Variants in CDKAL1 observed in about 807,000 individuals in gnomAD.
The protein encoded by CDKAL1 is threonylcarbamoyladenosine tRNA methylthiotransferase.
CDKAL1 carries 32 observed loss-of-function variants against 68.2 expected under a neutral mutation model. The ratio of observed to expected loss-of-function variants is 0.47; its 90% CI spans 0.35 to 0.63. CDKAL1 has a LOEUF of 0.63. CDKAL1 is among the 30% of genes least tolerant of loss of function. CDKAL1 has a pLI of 0.00. For synonymous variants in CDKAL1, 234 were observed against 244.3 expected, an observed-to-expected ratio of 0.96 and a Z score of 0.39; for missense variants, 606 against 696.7, an observed-to-expected ratio of 0.87 and a Z score of 1.47.
At chr6:20,729,177 G>C (rs930475124) in intron 5 of CDKAL1, among the ~76,000 whole-genome samples, 7 of 152,104 alleles carry the variant, frequency 4.6e-5, no homozygotes, top group African/African-American at 1.7e-4. Flanking sequence ...ACTCTTTGAG[G>C]TTACATAAAG....
rs1456936693 is a variant in CDKAL1, at chr6:21,132,478, C to G, written c.1299+24015C>G. ...AATTTTAAAAATCTCTTAAGCTCAG[C>G]CATTATACATAAGGTCTTATTTATG... On this transcript the variant is annotated intron_variant, in intron 13 of 15. Transcript: ENST00000274695. Among the ~76,000 whole-genome samples the G allele has an allele frequency of 4.0e-3, 611 of 152,110 alleles. 5 individuals are homozygous for G. The highest frequency in any genetic ancestry group is 0.014 in the African/African-American group (582 of 41,514).
intron 12 of CDKAL1, among the ~76,000 whole-genome samples, chr6:21,069,851 G>A (rs1277003060): frequency 6.9e-5 from 9 of 130,140 alleles, no homozygotes; most frequent in Admixed American, 3.8e-4. Flanking sequence ...CTGCAGTGGC[G>A]CCATCTCAGC....
intron 5 of CDKAL1, among the ~76,000 whole-genome samples, chr6:20,712,670 A>T (rs1771902394): frequency 6.6e-6 from 1 of 151,438 alleles, no homozygotes; most frequent in South Asian, 2.1e-4. Flanking sequence ...TTTGAGATGG[A>T]GTCTCACTCT....
chr6:21,231,034 A>C lies in CDKAL1; in HGVS notation c.1735A>C (p.Asn579His), dbSNP rs1779956069. Residue 579 changes from asparagine (N) to histidine (H), a missense_variant, in exon 16 of 16, where the codon AAT (asparagine) becomes CAT (histidine). Transcript: ENST00000274695. ...TTTTGCTTTTTTTGTCAAGGTCTAT[A>C]ATTAGAATACAACTAATGGAAACAT... is the stretch of plus-strand genomic sequence containing the variant. ...LLFAFFVKVY[N>H] The C allele has an allele frequency of 6.3e-7, 1 of 1,597,154 alleles. No individual in the cohort carries two copies. Among genetic ancestry groups the C allele is most frequent in the Non-Finnish European group, 8.6e-7 (1 of 1,168,404 alleles).
At chr6:20,699,319 T>C (rs916801593) in intron 5 of CDKAL1, among the ~76,000 whole-genome samples, 1 of 151,916 alleles carries the variant, frequency 6.6e-6, no homozygotes, top group African/African-American at 2.4e-5. Context: ...CTTTTGGGGA[T>C]AATTAATCAG....
intron 4 of CDKAL1, among the ~76,000 whole-genome samples, chr6:20,555,786 C>A (rs1764016296): frequency 6.6e-6 from 1 of 151,478 alleles, no homozygotes; most frequent in South Asian, 2.1e-4. Flanking sequence ...CCACGCCCGG[C>A]TAATTTTTTG....
In CDKAL1 at chr6:21,059,567, C is replaced by T. The variant is rs1771025674; in HGVS notation, c.1056-5481C>T. On this transcript the variant is annotated intron_variant, in intron 11 of 15. Transcript: ENST00000274695. ...TGAGAGCTCCCCTTGCCCCATGCAG[C>T]TCCCAAGTGAGCCATTGCTCCGCCC... Among the ~76,000 whole-genome samples the T allele has an allele frequency of 2.0e-5, 3 of 152,198 alleles. No homozygotes were observed. In the South Asian group the frequency reaches 6.2e-4, roughly 32 times the overall value.
intron 13 of CDKAL1, among the ~76,000 whole-genome samples, chr6:21,133,388 C>T (rs1775427719): frequency 6.6e-6 from 1 of 152,288 alleles, no homozygotes; most frequent in East Asian, 1.9e-4. Flanking sequence ...GCTCAGGACT[C>T]CATGCATATT....
intron 13 of CDKAL1, among the ~76,000 whole-genome samples, chr6:21,143,116 CT>C (rs1465587435): frequency 6.6e-6 from 1 of 152,188 alleles, no homozygotes; most frequent in Non-Finnish European, 1.5e-5. Context: ...AGTTAATTTG[CT>C]TCTTTGCCCT....
chr6:20,904,942 A>G (rs939119400), intron 9 of CDKAL1, among the ~76,000 whole-genome samples: 1 of 152,186 alleles, frequency 6.6e-6, no homozygotes, highest in African/African-American at 2.4e-5. Flanking sequence ...AAACAAAACA[A>G]AACCAAAAGC....
chr6:21,097,611 G>A (rs1260674911), intron 12 of CDKAL1, among the ~76,000 whole-genome samples: 4 of 151,098 alleles, frequency 2.6e-5, no homozygotes, highest in Admixed American at 6.6e-5. Context: ...AGGGTTAACC[G>A]TGCTATATAG....
rs754008816 is a variant in CDKAL1 at position 20,799,040 on chromosome 6, GTTTTTTTTT to G, written c.638+17796_638+17804del. On this transcript the variant is annotated intron_variant, in intron 8 of 15. Transcript: ENST00000274695. ...GGCCCATATATTTGAAAAGAACTGA[GTTTTTTTTT>G]TTTTTTTTTTTTTTTTTTTTGAGAC... Among the ~76,000 whole-genome samples the G allele has an allele frequency of 5.5e-3, 260 of 47,500 alleles. 2 individuals carry two copies. The highest frequency in any genetic ancestry group is 0.018 in the African/African-American group (209 of 11,742). The allele number at this position is 47,500 out of a possible 152,430, so 31.2% of individuals were successfully genotyped here.
intron 12 of CDKAL1, among the ~76,000 whole-genome samples, chr6:21,065,624 C>A (rs569979168): frequency 1.3e-5 from 2 of 151,148 alleles, no homozygotes; most frequent in South Asian, 4.2e-4. Flanking sequence ...TGATTGGGAT[C>A]CCCCTAGTTT....
chr6:20,552,147 A>G (rs1763860094), intron 4 of CDKAL1, among the ~76,000 whole-genome samples: 1 of 151,928 alleles, frequency 6.6e-6, no homozygotes, highest in African/African-American at 2.4e-5. Context: ...CAGTAGTTTG[A>G]GACCAGTGTT....
In CDKAL1 at chr6:20,894,636, A is replaced by G. The variant is rs112386919; in HGVS notation, c.742+48458A>G. Among the ~76,000 whole-genome samples the G allele has an allele frequency of 5.8e-3, 888 of 152,262 alleles. 7 individuals carry two copies. The highest frequency in any genetic ancestry group is 0.019 in the African/African-American group (803 of 41,560). ...TCATGTTGAGTGTTACAGGTTTAAC[A>G]ACTGCCCCCATTATAGAGATAATGG... On this transcript the variant is annotated intron_variant, in intron 9 of 15. Coordinates refer to ENST00000274695, the MANE Select transcript of CDKAL1 (RefSeq NM_017774.3).
intron 5 of CDKAL1, among the ~76,000 whole-genome samples, chr6:20,676,386 C>T (rs925097822): frequency 5.3e-5 from 8 of 151,842 alleles, no homozygotes; most frequent in African/African-American, 9.7e-5. Flanking sequence ...TTAAAAAAGT[C>T]GGCCGGCACA....
At chr6:20,736,406 T>C (rs1378738056) in intron 5 of CDKAL1, among the ~76,000 whole-genome samples, 1 of 152,336 alleles carries the variant, frequency 6.6e-6, no homozygotes, top group Admixed American at 6.5e-5. Context: ...CTTTGATTCC[T>C]CCTTTGGTAT....
At chr6:21,144,289 G>A (rs557287901) in intron 13 of CDKAL1, among the ~76,000 whole-genome samples, 49 of 152,324 alleles carry the variant, frequency 3.2e-4, no homozygotes, top group African/African-American at 1.2e-3. Context: ...ACAGAGTTGT[G>A]AAGGTCAAAT....
chr6:20,908,761 A>G (rs994622358), intron 9 of CDKAL1, among the ~76,000 whole-genome samples: 17 of 152,220 alleles, frequency 1.1e-4, no homozygotes, highest in African/African-American at 3.9e-4. Context: ...TATTAAATCA[A>G]ATTCCATTGT....
Sources: allele counts gnomAD v4.1 joint callset (sites outside exome capture counted in the v4.1 genomes callset), GRCh38; gene constraint gnomAD v4.1.1; transcripts MANE v1.5; gene names NCBI Gene and HGNC (gene_info 2026-07-23, HGNC 2026-07-21).